Variants in CRTAC1 observed in about 807,000 individuals in gnomAD.
CRTAC1 encodes the protein acidic secreted protein in cartilage.
In CRTAC1, 37 loss-of-function variants were observed where a neutral mutation model predicts 67.8. That is an observed-to-expected ratio of 0.55 (90% confidence interval 0.42 to 0.72). The LOEUF is 0.72. CRTAC1 is among the 30% of genes least tolerant of loss of function. The pLI is 0.00. For synonymous variants in CRTAC1, 348 were observed against 371.0 expected (o/e 0.94, Z 0.71); for missense variants, 780 against 931.6 (o/e 0.84, Z 2.12).
chr10:97,876,022 G>T (rs892592629), intron 14 of CRTAC1: 2 of 152,212 alleles, frequency 1.3e-5, no homozygotes, highest in African/African-American at 2.4e-5. Context: ...ACCTCTTCTT[G>T]CAGACTTGAA....
chr10:97,869,992 C>A (rs1013783070), intron 14 of CRTAC1: 2 of 152,226 alleles, frequency 1.3e-5, no homozygotes, highest in Non-Finnish European at 2.9e-5. Flanking sequence ...GGCTTCATGA[C>A]ACTGACACAT....
At position 97,901,655 on chromosome 10, in the gene CRTAC1, C is replaced by G. The variant is rs751142463; in HGVS notation, c.997-16G>C. 6.2e-7 allele frequency: 1 copy of G among 1,613,904 alleles called. No homozygotes were observed. Among genetic ancestry groups the G allele is most frequent in the East Asian group, 2.2e-5 (1 of 44,880 alleles). ...AGGCGATGTCCTGGAGGAAACAAGG[C>G]TGGGGGTCAGTGGCAGGAGAGTGGG... On this transcript the variant is annotated splice_polypyrimidine_tract_variant and intron_variant, in intron 7 of 14. Transcript: ENST00000370597.
chr10:97,996,334 T>C (rs1487868882), intron 2 of CRTAC1, among the ~76,000 whole-genome samples: 1 of 150,182 alleles, frequency 6.7e-6, no homozygotes, highest in East Asian at 2.0e-4. Flanking sequence ...AACCTACTCA[T>C]CTGACAAAGG....
intron 2 of CRTAC1, among the ~76,000 whole-genome samples, chr10:98,009,171 A>G (rs1423085802): frequency 1.3e-5 from 2 of 152,216 alleles, no homozygotes; most frequent in African/African-American, 4.8e-5. Flanking sequence ...TTTCCTTCTA[A>G]AAGCCCAGAA....
At chr10:97,910,390 G>A (rs1283562727) in intron 5 of CRTAC1, among the ~76,000 whole-genome samples, 1 of 152,172 alleles carries the variant, frequency 6.6e-6, no homozygotes, top group African/African-American at 2.4e-5. Flanking sequence ...TGTCACCTGG[G>A]AGCTTGCTAG....
intron 7 of CRTAC1, among the ~76,000 whole-genome samples, chr10:97,902,446 C>T (rs1457446060): frequency 6.6e-6 from 1 of 152,124 alleles, no homozygotes; most frequent in Non-Finnish European, 1.5e-5. Context: ...GTTGCGGTAT[C>T]AGCTACACCT....
At chr10:97,912,270 G>A (rs1342021909) in intron 5 of CRTAC1, among the ~76,000 whole-genome samples, 1 of 152,122 alleles carries the variant, frequency 6.6e-6, no homozygotes, top group Non-Finnish European at 1.5e-5. Flanking sequence ...GCACTTTCAG[G>A]CTTCAAAGAC....
chr10:98,002,768 T>TTG (rs1424093831), intron 2 of CRTAC1, among the ~76,000 whole-genome samples: 11 of 88,964 alleles, frequency 1.2e-4, no homozygotes, highest in Non-Finnish European at 2.2e-4. Flanking sequence ...TCACTTTTTT[T>TTG]TTTTTTTTTT....
chr10:98,003,651 A>G (rs1045926325), intron 2 of CRTAC1, among the ~76,000 whole-genome samples: 1 of 152,126 alleles, frequency 6.6e-6, no homozygotes, highest in African/African-American at 2.4e-5. Flanking sequence ...CTTTAACTTA[A>G]TCACTTCTGC....
chr10:97,895,471 G>T lies in CRTAC1; in HGVS notation c.1318-58C>A. ...GGCATCAGCATGGTGGGTGGGAAGA[G>T]CAGGGAGCCAGGGAGGACGGGAGGG... On this transcript the variant is annotated intron_variant, in intron 10 of 14. Coordinates refer to ENST00000370597, the MANE Select transcript of CRTAC1 (RefSeq NM_018058.7). This position sits in a 1 kb window ranked among gnomAD's most constrained non-coding sequence, Gnocchi z 4.2. 1 of 1,496,168 alleles carries T rather than the reference G, an allele frequency of 6.7e-7. No individual in the cohort carries two copies. The highest frequency in any genetic ancestry group is 1.3e-5 in the South Asian group (1 of 77,540). 92.7% of individuals were successfully genotyped at this position (1,496,168 alleles called of 1,614,324 possible).
chr10:98,001,369 C>T (rs1031255267), intron 2 of CRTAC1, among the ~76,000 whole-genome samples: 2 of 152,078 alleles, frequency 1.3e-5, no homozygotes, highest in African/African-American at 4.8e-5. Flanking sequence ...GGTCACTGGA[C>T]CTGTTTCCTC....
intron 3 of CRTAC1, among the ~76,000 whole-genome samples, chr10:97,935,628 G>A (rs1162256335): frequency 2.0e-5 from 3 of 152,214 alleles, no homozygotes; most frequent in Admixed American, 6.5e-5. Context: ...TCACGGTTGT[G>A]TCCTCAGCAT....
At chr10:97,907,533 A>G (rs1422785535) in intron 6 of CRTAC1, among the ~76,000 whole-genome samples, 2 of 111,248 alleles carry the variant, frequency 1.8e-5, no homozygotes, top group African/African-American at 5.5e-5. Context: ...TGTTTCTAGA[A>G]AGTCATTGCC....
At chr10:97,969,313 C>A (rs1197287587) in intron 2 of CRTAC1, among the ~76,000 whole-genome samples, 2 of 152,246 alleles carry the variant, frequency 1.3e-5, no homozygotes, top group Admixed American at 6.5e-5. Flanking sequence ...TGGCAAAGCT[C>A]TCAGGTGTTT....
At chr10:97,942,463 T>C (rs2051190027) in intron 2 of CRTAC1, among the ~76,000 whole-genome samples, 1 of 152,132 alleles carries the variant, frequency 6.6e-6, no homozygotes, top group African/African-American at 2.4e-5. Context: ...GCACCAAGAA[T>C]TGGTGTCCTG....
At chr10:97,865,758 C>A (rs749346344) in intron 14 of CRTAC1, 44 bp from the exon 15 acceptor site, 57 of 1,294,652 alleles carry the variant, frequency 4.4e-5, no homozygotes, top group Non-Finnish European at 5.6e-5. Context: ...TGCAGACCTG[C>A]GGCGGCTGCG....
At position 97,865,523 on chromosome 10, in the gene CRTAC1, C is replaced by T. The variant is rs754634811; in HGVS notation, c.*25G>A. On this transcript the variant is annotated 3_prime_UTR_variant, in exon 15 of 15. Coordinates refer to ENST00000370597, the MANE Select transcript of CRTAC1 (RefSeq NM_018058.7). ...TTCCCACTCCCCTGCTGGACTCCAT[C>T]CGCTGGTTCATGTCCCACCCCTGCT... 3.2e-6 allele frequency: 5 copies of T among 1,585,646 alleles called. No individual in the cohort carries two copies. The highest frequency in any genetic ancestry group is 2.6e-6 in the Non-Finnish European group (3 of 1,161,040).
chr10:97,997,230 TATAATA>T (rs111567944), intron 2 of CRTAC1, among the ~76,000 whole-genome samples: 6,183 of 131,680 alleles, frequency 0.047, 148 homozygotes, highest in African/African-American at 0.051. Flanking sequence ...AAACTTAAAG[TATAATA>T]ATAATAATAA....
At chr10:97,909,990 G>A (rs2050666345) in intron 5 of CRTAC1, among the ~76,000 whole-genome samples, 1 of 152,058 alleles carries the variant, frequency 6.6e-6, no homozygotes, top group Admixed American at 6.5e-5. Context: ...ACTTATATGT[G>A]GAATCTAAAA....
Sources: gnomAD v4.1 joint callset for allele counts (sites outside exome capture counted in the v4.1 genomes callset) on GRCh38, gnomAD v4.1.1 for gene constraint, Gnocchi (gnomAD v3.1) non-coding constraint, MANE v1.5 for transcripts, NCBI Gene and HGNC (gene_info 2026-07-23, HGNC 2026-07-21) for gene names.